The following NAV3 variants were observed in gnomAD, a reference collection of about 807,000 sequenced individuals.
NAV3 encodes neuron navigator 3.
A neutral mutation model predicts 244.7 loss-of-function variants in NAV3; 87 were observed. That is an observed-to-expected ratio of 0.36 (90% CI 0.30 to 0.42). The LOEUF is 0.42. NAV3 is among the 20% of genes least tolerant of loss of function. The pLI is 1.00. For missense variants in NAV3, 2,663 were observed against 2,893.3 expected (o/e 0.92, Z 1.83); for synonymous variants, 1,126 against 1,042.2 (o/e 1.08, Z -1.55).
At chr12:77,618,295 C>T (rs532161449) in intron 2 of NAV3, among the ~76,000 whole-genome samples, 5 of 152,240 alleles carry the variant, frequency 3.3e-5, no homozygotes, top group African/African-American at 1.2e-4. Flanking sequence ...TACTTTAAGC[C>T]ATTAAGTTTT....
chr12:77,714,094 G>T lies in NAV3; in HGVS notation c.72+141828G>T, dbSNP rs967638374. 4.6e-5 allele frequency among the ~76,000 whole-genome samples: 7 copies of T among 152,012 alleles called. 1 individual carries two copies. Among genetic ancestry groups the T allele is most frequent in the African/African-American group, 1.7e-4 (7 of 41,402 alleles). On this transcript the variant is annotated intron_variant, in intron 2 of 8. Coordinates refer to the NAV3 transcript ENST00000550042. ...GAATAATATTATACCTAGAGGGCATGACTTGTGACTGGAATTTTGGAGAAA... is the reference window on the plus strand; with the variant it reads ...GAATAATATTATACCTAGAGGGCATTACTTGTGACTGGAATTTTGGAGAAA...
At chr12:77,661,465 A>G (rs1231594175) in intron 2 of NAV3, among the ~76,000 whole-genome samples, 1 of 152,132 alleles carries the variant, frequency 6.6e-6, no homozygotes, top group Admixed American at 6.5e-5. Flanking sequence ...TTTATTAGAT[A>G]TATGAGTTGC....
chr12:78,047,072 T>C (rs1031707070), intron 9 of NAV3, among the ~76,000 whole-genome samples: 1 of 152,200 alleles, frequency 6.6e-6, no homozygotes. Flanking sequence ...TTATTTGCTT[T>C]CCATTTGCTT....
At chr12:77,721,263 A>G (rs1876618924) in intron 2 of NAV3, among the ~76,000 whole-genome samples, 1 of 152,148 alleles carries the variant, frequency 6.6e-6, no homozygotes, top group Non-Finnish European at 1.5e-5. Flanking sequence ...TTTATTATAT[A>G]TAATAACTAC....
upstream of NAV3, among the ~76,000 whole-genome samples, chr12:77,826,936 G>A (rs1873063163): frequency 6.6e-6 from 1 of 152,110 alleles, no homozygotes; most frequent in Non-Finnish European, 1.5e-5. Context: ...AAATAGGAAT[G>A]TGAGACCAGG....
chr12:77,747,940 G>T (rs938596033), intron 2 of NAV3, among the ~76,000 whole-genome samples: 1 of 152,198 alleles, frequency 6.6e-6, no homozygotes, highest in African/African-American at 2.4e-5. Context: ...GTTACATGAC[G>T]AGATAATGGG....
At chr12:78,031,619 G>A (rs944308638) in intron 9 of NAV3, among the ~76,000 whole-genome samples, 5 of 151,136 alleles carry the variant, frequency 3.3e-5, no homozygotes, top group African/African-American at 1.2e-4. Flanking sequence ...ATCATTCTCA[G>A]TAAACTATTG....
intron 34 of NAV3, among the ~76,000 whole-genome samples, chr12:78,195,533 TAA>T (rs1959165196): frequency 6.6e-6 from 1 of 152,046 alleles, no homozygotes; most frequent in African/African-American, 2.4e-5. Context: ...TTATCAACTC[TAA>T]GTTTCTGAAA....
intron 23 of NAV3, among the ~76,000 whole-genome samples, chr12:78,163,659 T>C (rs1382289569): frequency 6.6e-6 from 1 of 152,092 alleles, no homozygotes; most frequent in East Asian, 1.9e-4. Context: ...CAATAGCTGC[T>C]AAAAGAAGAC....
chr12:78,028,889 T>C (rs957919384), intron 9 of NAV3, among the ~76,000 whole-genome samples: 9 of 152,214 alleles, frequency 5.9e-5, no homozygotes, highest in African/African-American at 1.7e-4. Flanking sequence ...AGTGACGAGG[T>C]GATCCTTCAA....
chr12:77,757,266 C>T (rs1375452408), intron 2 of NAV3, among the ~76,000 whole-genome samples: 1 of 152,066 alleles, frequency 6.6e-6, no homozygotes, highest in Non-Finnish European at 1.5e-5. Context: ...ATTTCATTAG[C>T]CAAAGTTAGT....
At chr12:77,710,845 C>A (rs1361921174) in intron 2 of NAV3, among the ~76,000 whole-genome samples, 1 of 152,064 alleles carries the variant, frequency 6.6e-6, no homozygotes, top group African/African-American at 2.4e-5. Context: ...ATTAAATGAA[C>A]TAATCTATTT....
chr12:78,177,706 T>C (rs1224928105), intron 28 of NAV3, 21 bp downstream of exon 28: 1 of 1,594,098 alleles, frequency 6.3e-7, no homozygotes, highest in South Asian at 1.1e-5. Context: ...GTGCGATGCA[T>C]GAATACTGCA....
intron 2 of NAV3, among the ~76,000 whole-genome samples, chr12:77,758,405 T>C (rs1332845585): frequency 6.6e-6 from 1 of 152,158 alleles, no homozygotes; most frequent in African/African-American, 2.4e-5. Context: ...GGTTAATAAA[T>C]GATAAGTAAA....
chr12:77,827,716 T>G (rs1458875336), upstream of NAV3, among the ~76,000 whole-genome samples: 1 of 152,212 alleles, frequency 6.6e-6, no homozygotes, highest in Non-Finnish European at 1.5e-5. Flanking sequence ...TATTGAACAC[T>G]TACTATGTGG....
intron 12 of NAV3, among the ~76,000 whole-genome samples, chr12:78,108,079 A>G (rs1428337033): frequency 6.6e-6 from 1 of 152,170 alleles, no homozygotes; most frequent in African/African-American, 2.4e-5. Context: ...TACCAGGCAG[A>G]CATACATAGG....
chr12:77,732,392 C>G (rs1378803165), intron 2 of NAV3, among the ~76,000 whole-genome samples: 1 of 151,970 alleles, frequency 6.6e-6, no homozygotes, highest in Non-Finnish European at 1.5e-5. Flanking sequence ...GGGCTCTTCT[C>G]ACTGCTTTAT....
intron 3 of NAV3, among the ~76,000 whole-genome samples, chr12:77,957,114 T>A (rs777720746): frequency 9.2e-5 from 14 of 152,222 alleles, no homozygotes; most frequent in Non-Finnish European, 5.9e-5. Flanking sequence ...AATTAATAAC[T>A]CCATTCTCCT....
intron 2 of NAV3, among the ~76,000 whole-genome samples, chr12:77,767,987 T>G (rs1429252344): frequency 1.3e-5 from 2 of 152,200 alleles, no homozygotes; most frequent in Non-Finnish European, 1.5e-5. Flanking sequence ...AAGTGCTTTA[T>G]TGAGCAACAG....
Sources: allele counts gnomAD v4.1 joint callset (sites outside exome capture counted in the v4.1 genomes callset), GRCh38; gene constraint gnomAD v4.1.1; transcripts MANE v1.5; gene names NCBI Gene and HGNC (gene_info 2026-07-23, HGNC 2026-07-21).